Variants in NDFIP2 observed in about 807,000 individuals in gnomAD.
The protein encoded by NDFIP2 is Nedd4 family interacting protein 2.
NDFIP2 carries 19 observed loss-of-function variants against 36.0 expected under a neutral mutation model. The ratio of observed to expected loss-of-function variants is 0.53; its 90% CI spans 0.37 to 0.77. The LOEUF is 0.77. Ranked by LOEUF, NDFIP2 falls within the 30% of genes least tolerant of loss-of-function variation. The pLI is 0.00. For missense variants in NDFIP2, 446 were observed against 435.8 expected (o/e 1.02, Z -0.21); for synonymous variants, 181 against 167.7 (o/e 1.08, Z -0.61).
At chr13:79,531,772 G>T (rs1416980596) in intron 2 of NDFIP2, among the ~76,000 whole-genome samples, 1 of 152,208 alleles carries the variant, frequency 6.6e-6, no homozygotes, top group Admixed American at 6.5e-5. Context: ...GTTGTGGCTG[G>T]TTTGATCTTC....
Position 79,554,991 on chromosome 13 carries a change from A to G in NDFIP2, c.*2478A>G, listed in dbSNP as rs1292251556. The stretch of plus-strand genomic sequence containing the variant: ...TGCAGGACAGATTTTAGAAACTTAG[A>G]TTAAAATACAAATCCCATTACATTT... On this transcript the variant is annotated 3_prime_UTR_variant, in exon 8 of 8. Coordinates refer to ENST00000218652, the MANE Select transcript of NDFIP2 (RefSeq NM_019080.3). The G allele has an allele frequency of 6.6e-6, 1 of 151,866 alleles. No individual in the cohort carries two copies. The highest frequency in any genetic ancestry group is 1.9e-4 in the East Asian group (1 of 5,196). The allele number at this position is 151,866 out of a possible 1,614,324, so 9.4% of individuals were successfully genotyped here. A position where few individuals can be genotyped will look rare whatever the true frequency, so the allele number is the denominator to read the frequency against.
chr13:79,531,836 A>T (rs1017172530), intron 2 of NDFIP2, among the ~76,000 whole-genome samples: 1 of 152,176 alleles, frequency 6.6e-6, no homozygotes, highest in Non-Finnish European at 1.5e-5. Flanking sequence ...TCCCTTTCTT[A>T]TTACTCATGT....
Position 79,552,956 on chromosome 13 carries a change from C to T in NDFIP2, c.*443C>T, listed in dbSNP as rs915792019. Reference sequence around the variant, plus strand: ...TTTAGTTTCTGGCTCTTAGACTCATCTGGCAGTTCTACACATGAAACATCT... The same window carrying T: ...TTTAGTTTCTGGCTCTTAGACTCATTTGGCAGTTCTACACATGAAACATCT... On this transcript the variant is annotated 3_prime_UTR_variant, in exon 8 of 8. Coordinates refer to ENST00000218652, the MANE Select transcript of NDFIP2 (RefSeq NM_019080.3). 2 of 151,780 alleles carry T rather than the reference C, an allele frequency of 1.3e-5. No individual in the cohort carries two copies. Among genetic ancestry groups the T allele is most frequent in the African/African-American group, 4.8e-5 (2 of 41,364 alleles). 9.4% of individuals were successfully genotyped at this position (151,780 alleles called of 1,614,324 possible).
At position 79,512,708 on chromosome 13, in the gene NDFIP2, T is replaced by C. The variant is rs1037897125; in HGVS notation, c.322-8102T>C. 2.0e-5 allele frequency among the ~76,000 whole-genome samples: 3 copies of C among 152,172 alleles called. No individual in the cohort carries two copies. In the South Asian group the frequency reaches 6.2e-4, roughly 32 times the overall value. On this transcript the variant is annotated intron_variant, in intron 1 of 7. Coordinates refer to ENST00000218652, the MANE Select transcript of NDFIP2 (RefSeq NM_019080.3). ...TTTTTTTGGTCACATCCCAGTCTTC[T>C]TGGTTCTGAGGGGAGGATTCTTTGG...
intron 1 of NDFIP2, among the ~76,000 whole-genome samples, chr13:79,520,275 A>T (rs1012256505): frequency 2.0e-5 from 3 of 152,188 alleles, no homozygotes; most frequent in Non-Finnish European, 4.4e-5. Flanking sequence ...TAGAGATGGT[A>T]TTGTGGCTAT....
Position 79,553,460 on chromosome 13 carries a change from A to G in NDFIP2, c.*947A>G, listed in dbSNP as rs1875983161. 1 of 151,374 alleles carries G rather than the reference A, an allele frequency of 6.6e-6. No homozygotes were observed. The highest frequency in any genetic ancestry group is 6.6e-5 in the Admixed American group (1 of 15,174). The allele number at this position is 151,374 out of a possible 1,614,324, so 9.4% of individuals were successfully genotyped here. ...TCATTTAAGATAATTTTCAAAGTTA[A>G]TTTTCTAAATAAGATAATTCTCATT... On this transcript the variant is annotated 3_prime_UTR_variant, in exon 8 of 8. Transcript: ENST00000218652.
In NDFIP2 at chr13:79,543,661, CA is replaced by C; in HGVS notation, c.822del (p.Lys274AsnfsTer42). On this transcript the variant is annotated frameshift_variant, in exon 5 of 8. Transcript: ENST00000218652. LOFTEE classifies it high-confidence loss of function. ...TCTGCGGATTTGGCCTTTCCTTGAT[CA>C]AATGGATCCTTATTGTCAGGGTGAG... ...AICGFGLSLI[K>X]WILIVRFSDY... 1 of 1,613,758 alleles carries C rather than the reference CA, an allele frequency of 6.2e-7. No homozygotes were observed. Among genetic ancestry groups the C allele is most frequent in the South Asian group, 1.1e-5 (1 of 91,034 alleles).
At chr13:79,517,763 T>G (rs1594850076) in intron 1 of NDFIP2, among the ~76,000 whole-genome samples, 1 of 152,218 alleles carries the variant, frequency 6.6e-6, no homozygotes, top group Non-Finnish European at 1.5e-5. Flanking sequence ...TTGTAGTTAT[T>G]CCTTTCATTT....
chr13:79,493,112 G>A, intron 1 of NDFIP2, among the ~76,000 whole-genome samples: 1 of 152,174 alleles, frequency 6.6e-6, no homozygotes, highest in East Asian at 1.9e-4. Flanking sequence ...TCAGTGGGAA[G>A]CAGGGCTTAG....
chr13:79,489,547 G>A (rs756942652), intron 1 of NDFIP2, among the ~76,000 whole-genome samples: 7 of 152,168 alleles, frequency 4.6e-5, no homozygotes, highest in Non-Finnish European at 8.8e-5. Flanking sequence ...GGCCATCTTT[G>A]GAGATGATGT....
intron 1 of NDFIP2, among the ~76,000 whole-genome samples, chr13:79,488,700 C>T (rs1190204435): frequency 6.6e-6 from 1 of 152,114 alleles, no homozygotes; most frequent in African/African-American, 2.4e-5. Flanking sequence ...CTTCTGTCTG[C>T]TTCTGTTTTA....
rs1162763118 is a variant in NDFIP2, at chr13:79,556,003, TC to T, written c.*3491del. 1 of 152,170 alleles carries T rather than the reference TC, an allele frequency of 6.6e-6. No homozygotes were observed. The highest frequency in any genetic ancestry group is 2.4e-5 in the African/African-American group (1 of 41,444). 9.4% of individuals were successfully genotyped at this position (152,170 alleles called of 1,614,324 possible). On this transcript the variant is annotated 3_prime_UTR_variant, in exon 8 of 8. Coordinates refer to ENST00000218652, the MANE Select transcript of NDFIP2 (RefSeq NM_019080.3). ...GTTGGGGTTGCAACATCTTTTAACT[TC>T]TCAGTTATTTGTATGTCAGGAGACA...
intron 1 of NDFIP2, among the ~76,000 whole-genome samples, chr13:79,504,889 A>C (rs1323640613): frequency 6.6e-6 from 1 of 152,134 alleles, no homozygotes; most frequent in East Asian, 1.9e-4. Context: ...GTATGAATTC[A>C]TGGATTCATG....
intron 5 of NDFIP2, among the ~76,000 whole-genome samples, chr13:79,545,776 G>A (rs993872686): frequency 3.9e-5 from 6 of 152,012 alleles, no homozygotes; most frequent in East Asian, 3.9e-4. Flanking sequence ...TCACTCTGTC[G>A]CCCAGGCTGG....
chr13:79,522,301 C>T (rs180918587), intron 2 of NDFIP2, among the ~76,000 whole-genome samples: 1 of 152,138 alleles, frequency 6.6e-6, no homozygotes, highest in African/African-American at 2.4e-5. Context: ...CAATATTTTA[C>T]AAGTTTTCAC....
At chr13:79,493,095 T>A (rs570494677) in intron 1 of NDFIP2, among the ~76,000 whole-genome samples, 1 of 152,276 alleles carries the variant, frequency 6.6e-6, no homozygotes, top group East Asian at 1.9e-4. Context: ...CCCACTAGAT[T>A]GTAAACTCAG....
chr13:79,544,536 G>A (rs1875586082), intron 5 of NDFIP2, among the ~76,000 whole-genome samples: 1 of 150,936 alleles, frequency 6.6e-6, no homozygotes, highest in Non-Finnish European at 1.5e-5. Context: ...ATGATCAAGA[G>A]TGCTTTACTT....
At chr13:79,530,851 A>G (rs879290684) in intron 2 of NDFIP2, among the ~76,000 whole-genome samples, 1 of 152,160 alleles carries the variant, frequency 6.6e-6, no homozygotes, top group African/African-American at 2.4e-5. Flanking sequence ...TCAGTCATCT[A>G]TGAGGGTTGG....
Position 79,543,566 on chromosome 13 carries a change from A to G in NDFIP2, c.724A>G (p.Ile242Val). The G allele has an allele frequency of 6.2e-7, 1 of 1,613,686 alleles. No homozygotes were observed. The highest frequency in any genetic ancestry group is 8.5e-7 in the Non-Finnish European group (1 of 1,179,806). Residue 242 changes from isoleucine (I) to valine (V), a missense_variant, in exon 5 of 8, where the codon ATT becomes GTT. Coordinates refer to ENST00000218652, the MANE Select transcript of NDFIP2 (RefSeq NM_019080.3). ...GTTTCTGTTGCTTTTAGTGGCATTT[A>G]TTTTCAACTGGCTTGGATTTTGTTT... ...IFMLAFFMAF[I>V]FNWLGFCLSF...
Sources: gnomAD v4.1 joint callset for allele counts (sites outside exome capture counted in the v4.1 genomes callset) on GRCh38, gnomAD v4.1.1 for gene constraint, MANE v1.5 for transcripts, NCBI Gene and HGNC (gene_info 2026-07-23, HGNC 2026-07-21) for gene names.